Variants in IL7R observed in about 807,000 individuals in gnomAD.
The protein encoded by IL7R is interleukin-7 receptor subunit alpha.
A neutral mutation model predicts 47.0 loss-of-function variants in IL7R; 38 were observed. That is an observed-to-expected ratio of 0.81 (90% confidence interval 0.62 to 1.06). The LOEUF is 1.06. IL7R is among the 50% of genes least tolerant of loss of function. The probability of loss-of-function intolerance (pLI) is 0.00; values close to 1 mark genes in which losing one functional copy is unlikely to be tolerated. For synonymous variants in IL7R, 221 were observed against 199.8 expected, an observed-to-expected ratio of 1.11 and a Z score of -0.89; for missense variants, 633 against 534.8, an observed-to-expected ratio of 1.18 and a Z score of -1.81.
At chr5:35,871,371 G>A (rs1458210751) in intron 4 of IL7R, among the ~76,000 whole-genome samples, 158 bp downstream of exon 4, 1 of 152,110 alleles carries the variant, frequency 6.6e-6, no homozygotes, top group Non-Finnish European at 1.5e-5. Flanking sequence ...TGAAAACCTG[G>A]ATCTTCCCTG....
chr5:35,866,003 C>A (rs1334438931), intron 2 of IL7R, among the ~76,000 whole-genome samples: 1 of 152,126 alleles, frequency 6.6e-6, no homozygotes. Flanking sequence ...CTTAGGGAAA[C>A]AATTCATGTT....
intron 2 of IL7R, among the ~76,000 whole-genome samples, chr5:35,864,575 A>G (rs988252065): frequency 3.9e-5 from 6 of 152,156 alleles, no homozygotes; most frequent in African/African-American, 1.2e-4. Context: ...GCATTTGTCA[A>G]ATAACAAATG....
chr5:35,873,397 G>A, intron 4 of IL7R, 83 bp from the exon 5 acceptor site: 1 of 1,153,496 alleles, frequency 8.7e-7, no homozygotes, highest in South Asian at 1.3e-5. Flanking sequence ...TGGGACTAAA[G>A]GAATCCCAAT....
intron 4 of IL7R, among the ~76,000 whole-genome samples, chr5:35,872,041 T>G (rs1760085037): frequency 6.6e-6 from 1 of 152,148 alleles, no homozygotes; most frequent in Admixed American, 6.5e-5. Context: ...ACCTGCTCCC[T>G]CCTTCTACTC....
At chr5:35,872,697 T>C (rs184376148) in intron 4 of IL7R, among the ~76,000 whole-genome samples, 1 of 152,208 alleles carries the variant, frequency 6.6e-6, no homozygotes, top group Admixed American at 6.5e-5. Context: ...AAGAAAGGAT[T>C]GAGACATGCA....
intron 2 of IL7R, among the ~76,000 whole-genome samples, chr5:35,863,560 G>T (rs1175527205): frequency 6.6e-6 from 1 of 152,110 alleles, no homozygotes; most frequent in Non-Finnish European, 1.5e-5. Context: ...ACACTCCTTA[G>T]GATTTAAACA....
chr5:35,857,320 TTACTC>T (rs910209777), intron 1 of IL7R, among the ~76,000 whole-genome samples: 6 of 150,252 alleles, frequency 4.0e-5, no homozygotes, highest in African/African-American at 1.2e-4. Context: ...TGTTGAATGA[TTACTC>T]TGCTCTTACA....
At chr5:35,862,121 T>C (rs1255810688) in intron 2 of IL7R, among the ~76,000 whole-genome samples, 1 of 152,182 alleles carries the variant, frequency 6.6e-6, no homozygotes, top group Admixed American at 6.6e-5. Context: ...TCTGTCTGCC[T>C]CTGTTCACTT....
intron 3 of IL7R, 50 bp downstream of exon 3, chr5:35,867,513 A>T (rs938154016): frequency 6.9e-7 from 1 of 1,458,290 alleles, no homozygotes; most frequent in African/African-American, 1.4e-5. Flanking sequence ...GCTACCTGAA[A>T]ACACTGTGTC....
Position 35,860,922 on chromosome 5 carries a change from G to T in IL7R, c.153G>T (p.Ser51=), listed in dbSNP as rs149235072. 6.2e-7 allele frequency: 1 copy of T among 1,613,004 alleles called. No individual in the cohort carries two copies. The highest frequency in any genetic ancestry group is 8.5e-7 in the Non-Finnish European group (1 of 1,179,166). ...ATAGCCAGTTGGAAGTGAATGGATC[G>T]CAGCACTCACTGACCTGTGCTTTTG... ...SCYSQLEVNG[S]QHSLTCAFED... Residue 51 remains serine (S), a synonymous_variant, in exon 2 of 8, where the codon TCG becomes TCT. Transcript: ENST00000303115.
chr5:35,874,400 C>T (rs2149903941), intron 5 of IL7R, 49 bp from the exon 6 acceptor site: 2 of 1,205,588 alleles, frequency 1.7e-6, no homozygotes, highest in Non-Finnish European at 2.5e-6. Flanking sequence ...GACCCTACCC[C>T]CACTGCATGG....
Position 35,874,480 on chromosome 5 carries a change from C to A in IL7R, c.738C>A (p.Ser246Arg), listed in dbSNP as rs1760155485. 1.2e-6 allele frequency: 2 copies of A among 1,613,208 alleles called. No individual in the cohort carries two copies. The highest frequency in any genetic ancestry group is 2.2e-5 in the East Asian group (1 of 44,898). ...TGGATCCTATCTTACTAACCATCAG[C>A]ATTTTGAGTTTTTTCTCTGTCGCTC... Reference protein sequence around the residue: ...GEMDPILLTISILSFFSVALL... With the variant: ...GEMDPILLTIRILSFFSVALL... The change falls in exon 6 of 8, where the codon AGC (serine) becomes AGA (arginine). Residue 246 changes from serine (S) to arginine (R), a missense_variant. Ser to Arg is a moderately radical substitution (Grantham distance 110, BLOSUM62 -1). Coordinates refer to ENST00000303115, the MANE Select transcript of IL7R (RefSeq NM_002185.5).
At chr5:35,863,475 T>C in intron 2 of IL7R, among the ~76,000 whole-genome samples, 1 of 151,968 alleles carries the variant, frequency 6.6e-6, no homozygotes, top group East Asian at 1.9e-4. Context: ...CAGAGAAGAG[T>C]GTACACACAT....
chr5:35,861,296 A>C (rs1192344804), intron 2 of IL7R, among the ~76,000 whole-genome samples: 1 of 152,070 alleles, frequency 6.6e-6, no homozygotes, highest in Non-Finnish European at 1.5e-5. Context: ...CTTCTCACCA[A>C]AAATCTGTTT....
At chr5:35,857,563 T>A (rs764725297) in intron 1 of IL7R, among the ~76,000 whole-genome samples, 22 of 152,306 alleles carry the variant, frequency 1.4e-4, no homozygotes, top group Non-Finnish European at 2.9e-4. Context: ...AGACATCCAA[T>A]AACTTTTGAA....
At chr5:35,861,016 G>T (rs984467695) in intron 2 of IL7R, 26 bp downstream of exon 2, 13 of 1,609,874 alleles carry the variant, frequency 8.1e-6, no homozygotes, top group Non-Finnish European at 1.0e-5. Context: ...TTTAATGGTT[G>T]CTTAGACATC....
chr5:35,874,550 T>C lies in IL7R; in HGVS notation c.800+8T>C. On this transcript the variant is annotated splice_region_variant and intron_variant, in intron 6 of 7. Transcript: ENST00000303115. ...TGTGTTATGGAAAAAAAGGTGACCT[T>C]CTTCAACTAATAAAGAGGGTGATTG... The C allele has an allele frequency of 6.3e-7, 1 of 1,579,306 alleles. No homozygotes were observed.
chr5:35,864,179 T>C (rs1449882630), intron 2 of IL7R, among the ~76,000 whole-genome samples: 2 of 152,184 alleles, frequency 1.3e-5, no homozygotes, highest in African/African-American at 4.8e-5. Context: ...TTGTGAGAGT[T>C]AGCCATGTTG....
At position 35,875,545 on chromosome 5, in the gene IL7R, T is replaced by A; in HGVS notation, c.834T>A (p.Asp278Glu). The A allele has an allele frequency of 6.2e-7, 1 of 1,613,690 alleles. No homozygotes were observed. The highest frequency in any genetic ancestry group is 8.5e-7 in the Non-Finnish European group (1 of 1,179,594). The change falls in exon 7 of 8, where the codon GAT (aspartate) becomes GAA (glutamate). Residue 278 changes from aspartate (D) to glutamate (E), a missense_variant. Physicochemically the swap from Asp to Glu is conservative, Grantham distance 45. Coordinates refer to ENST00000303115, the MANE Select transcript of IL7R (RefSeq NM_002185.5). ...IKPIVWPSLPDHKKTLEHLCK... is the reference protein window; with the variant it reads ...IKPIVWPSLPEHKKTLEHLCK... ...CTATCGTATGGCCCAGTCTCCCCGA[T>A]CATAAGAAGACTCTGGAACATCTTT...
Sources: gnomAD v4.1 joint callset for allele counts (sites outside exome capture counted in the v4.1 genomes callset) on GRCh38, gnomAD v4.1.1 for gene constraint, MANE v1.5 for transcripts, NCBI Gene and HGNC (gene_info 2026-07-23, HGNC 2026-07-21) for gene names.